Variants in MPDZ observed in about 807,000 individuals in gnomAD.
The protein encoded by MPDZ is multiple PDZ domain crumbs cell polarity complex component.
In MPDZ, 234 loss-of-function variants were observed where a neutral mutation model predicts 239.1. That is an observed-to-expected ratio of 0.98 (90% CI 0.88 to 1.09). The LOEUF is 1.09. Among genes scored for constraint, MPDZ ranks in the 50% least tolerant of loss-of-function variants. The probability of loss-of-function intolerance (pLI) is 0.00; values close to 1 mark genes in which losing one functional copy is unlikely to be tolerated. For synonymous variants in MPDZ, 1,048 were observed against 881.3 expected (o/e 1.19, Z -3.35); for missense variants, 3,175 against 2,510.0 (o/e 1.26, Z -5.66).
chr9:13,215,378 A>G (rs986466035), intron 10 of MPDZ, among the ~76,000 whole-genome samples: 1 of 151,438 alleles, frequency 6.6e-6, no homozygotes, highest in African/African-American at 2.4e-5. Context: ...GTGTATATAT[A>G]GCAATATGTG....
chr9:13,248,039 C>T (rs940785085), intron 2 of MPDZ, among the ~76,000 whole-genome samples: 6 of 151,880 alleles, frequency 4.0e-5, no homozygotes, highest in African/African-American at 1.5e-4. Context: ...CCAGCCTGGC[C>T]AAAATGATGA....
At chr9:13,221,311 G>T in intron 7 of MPDZ, 61 bp downstream of exon 7, 1 of 1,441,378 alleles carries the variant, frequency 6.9e-7, no homozygotes, top group Non-Finnish European at 9.2e-7. Flanking sequence ...ACAAAAAAAT[G>T]TAAAAGATGT....
chr9:13,123,426 C>G, intron 35 of MPDZ, 128 bp from the exon 36 acceptor site: 1 of 635,702 alleles, frequency 1.6e-6, no homozygotes, highest in Non-Finnish European at 2.7e-6. Context: ...GGAAAAGAGA[C>G]TTTGTATTTA....
At chr9:13,238,196 G>A (rs2137163151) in intron 3 of MPDZ, among the ~76,000 whole-genome samples, 1 of 152,274 alleles carries the variant, frequency 6.6e-6, no homozygotes, top group South Asian at 2.1e-4. Context: ...CAGCAGTTGT[G>A]CCCACTGGAC....
intron 1 of MPDZ, among the ~76,000 whole-genome samples, chr9:13,252,343 G>A (rs1272904450): frequency 1.3e-5 from 2 of 150,866 alleles, no homozygotes; most frequent in Non-Finnish European, 3.0e-5. Context: ...CGAGGTGGGC[G>A]GATCACGAGG....
At chr9:13,205,777 G>T in intron 11 of MPDZ, 139 bp downstream of exon 11, 2 of 725,804 alleles carry the variant, frequency 2.8e-6, no homozygotes, top group Non-Finnish European at 4.2e-6. Flanking sequence ...TACTCGCCTT[G>T]GTTTATAATG....
intron 19 of MPDZ, among the ~76,000 whole-genome samples, chr9:13,181,825 G>A (rs1282738322): frequency 2.0e-5 from 3 of 152,132 alleles, no homozygotes; most frequent in African/African-American, 2.4e-5. Context: ...GGAAGAAGAC[G>A]TGTGCTATGC....
intron 3 of MPDZ, among the ~76,000 whole-genome samples, chr9:13,241,890 C>A (rs1965497289): frequency 6.6e-6 from 1 of 152,118 alleles, no homozygotes; most frequent in Non-Finnish European, 1.5e-5. Flanking sequence ...GTGTGTTCCA[C>A]CTAACAAACT....
chr9:13,188,711 TA>T (rs1469227234), intron 17 of MPDZ, 72 bp downstream of exon 17: 2 of 1,358,338 alleles, frequency 1.5e-6, no homozygotes, highest in Non-Finnish European at 2.0e-6. Flanking sequence ...TGAGAACACC[TA>T]AAGCGAAAAG....
Position 13,250,282 on chromosome 9 carries a change from G to C in MPDZ, c.16+18C>G, listed in dbSNP as rs1967589038. ...GTTACAATTCTTATAAAAGTAGGCA[G>C]AAAAGAATAAGTCTTACCAATGGCT... On this transcript the variant is annotated intron_variant, in intron 2 of 46. Coordinates refer to ENST00000319217, the MANE Select transcript of MPDZ (RefSeq NM_001378778.1). The C allele has an allele frequency of 6.3e-7, 1 of 1,591,796 alleles. No homozygotes were observed. The highest frequency in any genetic ancestry group is 1.3e-5 in the African/African-American group (1 of 74,772).
chr9:13,137,908 T>A, intron 29 of MPDZ, 49 bp downstream of exon 29: 1 of 1,570,772 alleles, frequency 6.4e-7, no homozygotes, highest in Non-Finnish European at 8.7e-7. Flanking sequence ...GACAGTTCCA[T>A]TACCCTTATA....
chr9:13,238,883 C>A (rs899918806), intron 3 of MPDZ, among the ~76,000 whole-genome samples: 1 of 151,860 alleles, frequency 6.6e-6, no homozygotes, highest in African/African-American at 2.4e-5. Context: ...TAAAATAGTG[C>A]CACTCTCCTC....
chr9:13,247,845 C>T, intron 2 of MPDZ, 44 bp from the exon 3 acceptor site: 4 of 1,543,190 alleles, frequency 2.6e-6, no homozygotes, highest in South Asian at 1.2e-5. Flanking sequence ...ATTCAAAGGA[C>T]ACATGTCCAG....
chr9:13,204,454 T>G (rs1401589419), intron 12 of MPDZ, among the ~76,000 whole-genome samples: 1 of 152,038 alleles, frequency 6.6e-6, no homozygotes, highest in Non-Finnish European at 1.5e-5. Context: ...CTACTCTAAA[T>G]TTTTAAAAAT....
chr9:13,185,733 G>C (rs1954004908), intron 18 of MPDZ, among the ~76,000 whole-genome samples: 2 of 152,006 alleles, frequency 1.3e-5, no homozygotes, highest in Admixed American at 6.6e-5. Flanking sequence ...ACATCAAACA[G>C]AAATAAAATT....
At position 13,143,569 on chromosome 9, in the gene MPDZ, A is replaced by G; in HGVS notation, c.3742-5T>C. ...CAAGGAAGGCAAAGGGGATTTCTAA[A>G]AGGAAACATAAGAGGCGCTGAACGC... On this transcript the variant is annotated splice_polypyrimidine_tract_variant and splice_region_variant and intron_variant, in intron 26 of 46. Transcript: ENST00000319217. 6.2e-7 allele frequency: 1 copy of G among 1,608,808 alleles called. No individual in the cohort carries two copies. Among genetic ancestry groups the G allele is most frequent in the Non-Finnish European group, 8.5e-7 (1 of 1,175,390 alleles).
chr9:13,217,501 G>A (rs1029202963), intron 8 of MPDZ, among the ~76,000 whole-genome samples: 3 of 151,836 alleles, frequency 2.0e-5, no homozygotes, highest in Admixed American at 6.6e-5. Flanking sequence ...GGGATATCAG[G>A]CAGGAATAAG....
chr9:13,203,752 A>G (rs954026323), intron 12 of MPDZ, among the ~76,000 whole-genome samples: 3 of 151,542 alleles, frequency 2.0e-5, no homozygotes, highest in Non-Finnish European at 2.9e-5. Flanking sequence ...ACACACACAC[A>G]CACACACACA....
intron 19 of MPDZ, among the ~76,000 whole-genome samples, chr9:13,182,203 C>T (rs909665871): frequency 1.3e-5 from 2 of 151,976 alleles, no homozygotes; most frequent in African/African-American, 4.8e-5. Flanking sequence ...GCAGAAAATA[C>T]ATATTTCGTA....
Sources: gnomAD v4.1 joint callset for allele counts (sites outside exome capture counted in the v4.1 genomes callset) on GRCh38, gnomAD v4.1.1 for gene constraint, MANE v1.5 for transcripts, NCBI Gene and HGNC (gene_info 2026-07-23, HGNC 2026-07-21) for gene names.